Variants in DPP10 observed in about 807,000 individuals in gnomAD.
DPP10 encodes the protein dipeptidyl peptidase like 10.
DPP10 carries 33 observed loss-of-function variants against 120.9 expected under a neutral mutation model. The observed-to-expected ratio is 0.27, with a 90% confidence interval of 0.21 to 0.37. The LOEUF is 0.37. Ranked by LOEUF, DPP10 falls within the 10% of genes least tolerant of loss-of-function variation. The pLI is 1.00. For synonymous variants in DPP10, 337 were observed against 326.1 expected (o/e 1.03, Z -0.36); for missense variants, 816 against 942.8 (o/e 0.87, Z 1.76).
intron 7 of DPP10, among the ~76,000 whole-genome samples, chr2:115,724,584 T>C (rs1404818477): frequency 1.3e-5 from 2 of 152,164 alleles, no homozygotes; most frequent in Non-Finnish European, 2.9e-5. Flanking sequence ...AGTAAGACCA[T>C]TGATTTTGAA....
At chr2:114,550,251 A>G (rs1278318409) in intron 1 of DPP10, among the ~76,000 whole-genome samples, 1 of 152,212 alleles carries the variant, frequency 6.6e-6, no homozygotes. Context: ...GGGTGTGAGC[A>G]TAGGACAAAG....
chr2:114,733,762 C>T (rs1043356320), intron 1 of DPP10, among the ~76,000 whole-genome samples: 3 of 152,092 alleles, frequency 2.0e-5, no homozygotes, highest in African/African-American at 4.8e-5. Flanking sequence ...TTGCTGTTTT[C>T]AAATGTAATT....
intron 5 of DPP10, among the ~76,000 whole-genome samples, chr2:115,530,588 G>A (rs2078401779): frequency 6.6e-6 from 1 of 152,012 alleles, no homozygotes; most frequent in African/African-American, 2.4e-5. Flanking sequence ...AGGCTGAGGA[G>A]GAGAATCACT....
At chr2:115,366,941 T>C (rs2065114703) in intron 3 of DPP10, among the ~76,000 whole-genome samples, 1 of 152,088 alleles carries the variant, frequency 6.6e-6, no homozygotes, top group Non-Finnish European at 1.5e-5. Flanking sequence ...AAGACAAAAC[T>C]CCTTAGTTGT....
At chr2:114,591,888 A>G (rs1691498148) in intron 1 of DPP10, among the ~76,000 whole-genome samples, 1 of 152,134 alleles carries the variant, frequency 6.6e-6, no homozygotes, top group Non-Finnish European at 1.5e-5. Flanking sequence ...AGCTACATCC[A>G]AAGTGAAGTT....
intron 3 of DPP10, among the ~76,000 whole-genome samples, chr2:115,385,934 C>G (rs1449179226): frequency 2.0e-5 from 3 of 152,158 alleles, no homozygotes; most frequent in Non-Finnish European, 2.9e-5. Context: ...TTCCGAAAGA[C>G]AAGCAAATGG....
chr2:115,201,821 A>G (rs1033537474), intron 1 of DPP10, among the ~76,000 whole-genome samples: 2 of 150,896 alleles, frequency 1.3e-5, no homozygotes, highest in African/African-American at 4.9e-5. Context: ...TTGCAAATTC[A>G]GAATTGCTAC....
intron 1 of DPP10, among the ~76,000 whole-genome samples, chr2:114,662,504 T>G (rs932997061): frequency 2.0e-5 from 3 of 151,942 alleles, no homozygotes; most frequent in African/African-American, 7.3e-5. Context: ...AATGCGTGTG[T>G]CAGACCCGCG....
intron 1 of DPP10, among the ~76,000 whole-genome samples, chr2:115,188,747 A>G (rs7558702): frequency 0.76 from 115,446 of 151,950 alleles, 44,256 homozygotes; most frequent in Non-Finnish European, 0.81. Flanking sequence ...GAGGAATTTG[A>G]CAGTGTCTAG....
At chr2:115,269,377 T>C (rs1301513061) in intron 1 of DPP10, among the ~76,000 whole-genome samples, 1 of 152,202 alleles carries the variant, frequency 6.6e-6, no homozygotes, top group African/African-American at 2.4e-5. Context: ...CTTTCTGGCT[T>C]AAAACTACTC....
At chr2:114,576,895 G>GT (rs1690097405) in intron 1 of DPP10, among the ~76,000 whole-genome samples, 1 of 150,834 alleles carries the variant, frequency 6.6e-6, no homozygotes, top group Non-Finnish European at 1.5e-5. Flanking sequence ...TTTGTTTTTT[G>GT]TTTTTTCATA....
chr2:115,768,546 C>T (rs1681076059), intron 13 of DPP10, 142 bp downstream of exon 13: 1 of 636,736 alleles, frequency 1.6e-6, no homozygotes, highest in Admixed American at 3.0e-5. Flanking sequence ...AGGAAGAGGA[C>T]CTCCATCCAT....
chr2:114,479,837 T>C (rs576112911), intron 1 of DPP10, among the ~76,000 whole-genome samples: 1 of 151,978 alleles, frequency 6.6e-6, no homozygotes, highest in Admixed American at 6.6e-5. Flanking sequence ...CCAAAAGCAA[T>C]GGCAACAAAA....
chr2:115,586,467 T>C (rs545258607), intron 5 of DPP10, among the ~76,000 whole-genome samples: 1 of 152,352 alleles, frequency 6.6e-6, no homozygotes, highest in East Asian at 1.9e-4. Context: ...TTCTGAGATG[T>C]AGGATTACTG....
At chr2:115,077,193 G>A (rs923201833) in intron 1 of DPP10, among the ~76,000 whole-genome samples, 3 of 152,022 alleles carry the variant, frequency 2.0e-5, no homozygotes, top group Admixed American at 2.0e-4. Context: ...GGCAGCTGTC[G>A]TCTAATATAT....
intron 5 of DPP10, among the ~76,000 whole-genome samples, chr2:115,583,906 A>T (rs1187308982): frequency 6.6e-6 from 1 of 152,222 alleles, no homozygotes; most frequent in African/African-American, 2.4e-5. Flanking sequence ...GCATTAGAAG[A>T]TGCTTTTTGC....
At chr2:114,461,250 C>T (rs1448655179) in intron 1 of DPP10, among the ~76,000 whole-genome samples, 4 of 152,146 alleles carry the variant, frequency 2.6e-5, no homozygotes, top group African/African-American at 9.7e-5. Context: ...GAATTGGCTA[C>T]CCCTGCGAGC....
intron 1 of DPP10, among the ~76,000 whole-genome samples, chr2:114,731,581 T>G (rs1419801288): frequency 5.3e-5 from 8 of 152,186 alleles, no homozygotes; most frequent in Admixed American, 5.2e-4. Context: ...TTACTTACAC[T>G]GGCAGATGCT....
At chr2:114,767,993 T>C (rs1350153828) in intron 1 of DPP10, among the ~76,000 whole-genome samples, 2 of 151,826 alleles carry the variant, frequency 1.3e-5, no homozygotes, top group African/African-American at 4.8e-5. Flanking sequence ...CCGGGCATGG[T>C]GGTGGGTGCC....
Sources: allele counts gnomAD v4.1 joint callset (sites outside exome capture counted in the v4.1 genomes callset), GRCh38; gene constraint gnomAD v4.1.1; transcripts MANE v1.5; gene names NCBI Gene and HGNC (gene_info 2026-07-23, HGNC 2026-07-21).